FBXL19: variants seen among roughly 807,000 people sequenced by gnomAD.
The protein encoded by FBXL19 is F-box/LRR-repeat protein 19.
FBXL19 carries 16 observed loss-of-function variants against 71.2 expected under a neutral mutation model. The observed-to-expected ratio is 0.22, with a 90% CI of 0.15 to 0.34. The LOEUF (loss-of-function observed/expected upper bound fraction) is 0.34, where lower values mean the gene tolerates loss of function less well. FBXL19 is among the 10% of genes least tolerant of loss of function. The probability of loss-of-function intolerance (pLI) is 1.00; values close to 1 mark genes in which losing one functional copy is unlikely to be tolerated. For missense variants in FBXL19, 658 were observed against 968.2 expected (o/e 0.68, Z 4.25); for synonymous variants, 447 against 409.4 (o/e 1.09, Z -1.11).
intron 7 of FBXL19, among the ~76,000 whole-genome samples, chr16:30,940,422 G>GA (rs767802078): frequency 2.4e-3 from 298 of 124,054 alleles, no homozygotes; most frequent in Middle Eastern, 0.013. Context: ...ACTGTCTCAA[G>GA]AAAAAAAAAA....
chr16:30,930,149 G>A lies in FBXL19; in HGVS notation c.866G>A (p.Arg289His), dbSNP rs760075736. The A allele has an allele frequency of 4.6e-5, 74 of 1,613,392 alleles. No individual in the cohort carries two copies. Among genetic ancestry groups the A allele is most frequent in the Non-Finnish European group, 5.7e-5 (67 of 1,179,902 alleles). Residue 289 changes from arginine (R) to histidine (H), a missense_variant, in exon 7 of 11, where the codon CGT becomes CAT. Arg to His is a conservative substitution (Grantham distance 29). This residue lies in a region of FBXL19 where 447 missense variants were observed against 515.4 expected (regional missense o/e 0.87). Coordinates refer to ENST00000338343, the MANE Select transcript of FBXL19 (RefSeq NM_001382779.1). The surrounding 1 kb of genome is among the most constrained non-coding windows in gnomAD (Gnocchi z 8.5). ...TCCCCGCAGAGGGAGAAGCTAGAGCGTTTCAAGCGGATGTGCCAGCTGCTG... is the reference window on the plus strand; with the variant it reads ...TCCCCGCAGAGGGAGAAGCTAGAGCATTTCAAGCGGATGTGCCAGCTGCTG... ...SPSPQREKLE[R>H]FKRMCQLLER... is the part of the protein sequence containing the mutation.
rs1042090545 is a variant in FBXL19, at chr16:30,947,337, G to C, written c.*107G>C. On this transcript the variant is annotated 3_prime_UTR_variant, in exon 11 of 11. Transcript: ENST00000338343. The stretch of plus-strand genomic sequence containing the variant: ...CCCACCTCACCACCCTGGGATTCCT[G>C]AGTGTCAGTGACTTGGGATTCCCAC... The C allele has an allele frequency of 1.7e-5, 16 of 964,158 alleles. No homozygotes were observed. Among genetic ancestry groups the C allele is most frequent in the Non-Finnish European group, 2.2e-5 (15 of 669,124 alleles). 59.7% of individuals were successfully genotyped at this position (964,158 alleles called of 1,614,324 possible).
intron 7 of FBXL19, among the ~76,000 whole-genome samples, chr16:30,931,392 C>T (rs9924071): frequency 0.99 from 150,576 of 152,258 alleles, 74,485 homozygotes; most frequent in Middle Eastern, 1. Context: ...TTTATCTTCA[C>T]GTCCCTAGCA....
chr16:30,945,502 A>T (rs1284680460), intron 9 of FBXL19, among the ~76,000 whole-genome samples: 1 of 151,816 alleles, frequency 6.6e-6, no homozygotes, highest in Non-Finnish European at 1.5e-5. Context: ...TCTACTAAAA[A>T]AATACAAAAA....
chr16:30,925,272 T>G lies in FBXL19; in HGVS notation c.-24-459T>G, dbSNP rs2143302655. Reference sequence around the variant, plus strand: ...AAAGTCCGGAGCTTCCGTCTAGGAATCTCTGGGTATCTGGGAGGTGAATCT... The same window carrying G: ...AAAGTCCGGAGCTTCCGTCTAGGAAGCTCTGGGTATCTGGGAGGTGAATCT... On this transcript the variant is annotated intron_variant, in intron 1 of 10. Coordinates refer to ENST00000338343, the MANE Select transcript of FBXL19 (RefSeq NM_001382779.1). This position sits in a 1 kb window ranked among gnomAD's most constrained non-coding sequence, Gnocchi z 5.0. Among the ~76,000 whole-genome samples, 1 of 152,068 alleles carries G rather than the reference T, an allele frequency of 6.6e-6. No individual in the cohort carries two copies. The highest frequency in any genetic ancestry group is 6.5e-5 in the Admixed American group (1 of 15,300).
intron 1 of FBXL19, 189 bp downstream of exon 1, chr16:30,924,648 C>T (rs536129121): frequency 1.4e-6 from 2 of 1,398,644 alleles, no homozygotes; most frequent in Admixed American, 3.9e-5. Context: ...GACCCTGCTT[C>T]CCCTTGAAAG....
intron 7 of FBXL19, among the ~76,000 whole-genome samples, chr16:30,940,649 C>G (rs2055792579): frequency 6.6e-6 from 1 of 151,870 alleles, no homozygotes; most frequent in Non-Finnish European, 1.5e-5. Context: ...CAGTTCACTG[C>G]ATGTTTTTTG....
At chr16:30,937,266 G>A (rs773339484) in intron 7 of FBXL19, among the ~76,000 whole-genome samples, 47 of 152,038 alleles carry the variant, frequency 3.1e-4, no homozygotes, top group Admixed American at 5.9e-4. Flanking sequence ...TGTCTCTTGT[G>A]GGCCTGGACA....
chr16:30,941,985 G>A, intron 7 of FBXL19, 131 bp from the exon 8 acceptor site: 1 of 1,020,612 alleles, frequency 9.8e-7, no homozygotes, highest in Admixed American at 3.3e-5. Flanking sequence ...GAGGTCAGGT[G>A]CTTCTTGCTA....
At position 30,925,767 on chromosome 16, in the gene FBXL19, A is replaced by G; in HGVS notation, c.13A>G (p.Ser5Gly). 3 of 1,484,206 alleles carry G rather than the reference A, an allele frequency of 2.0e-6. No homozygotes were observed. Among genetic ancestry groups the G allele is most frequent in the Non-Finnish European group, 8.9e-7 (1 of 1,122,476 alleles). The allele number at this position is 1,484,206 out of a possible 1,614,324, so 91.9% of individuals were successfully genotyped here. A position where few individuals can be genotyped will look rare whatever the true frequency, so the allele number is the denominator to read the frequency against. The change falls in exon 2 of 11, where the codon AGC (serine) becomes GGC (glycine). Residue 5 changes from serine to glycine, a missense_variant. Transcript: ENST00000338343. This position sits in a 1 kb window ranked among gnomAD's most constrained non-coding sequence, Gnocchi z 5.0. The part of the protein sequence containing the change: MSSS[S>G]RGPGAGARRR... ...GCTGACGCCCCCAATGTCGTCGAGC[A>G]GCCGGGGGCCGGGGGCCGGAGCGCG...
At chr16:30,940,261 A>G (rs575085028) in intron 7 of FBXL19, among the ~76,000 whole-genome samples, 5 of 151,176 alleles carry the variant, frequency 3.3e-5, no homozygotes, top group Non-Finnish European at 5.9e-5. Context: ...TCTGTCTCAA[A>G]AAAAAAAAAA....
chr16:30,923,343 G>T (rs1306737837), upstream of FBXL19: 14 of 402,224 alleles, frequency 3.5e-5, no homozygotes, highest in Admixed American at 3.6e-4. Flanking sequence ...CACGCCCTCC[G>T]CCGTCCTGTT....
chr16:30,931,959 T>C (rs1392883387), intron 7 of FBXL19, among the ~76,000 whole-genome samples: 1 of 151,456 alleles, frequency 6.6e-6, no homozygotes, highest in African/African-American at 2.4e-5. Flanking sequence ...CAGGCTGGTC[T>C]TGAACTCCTG....
At chr16:30,936,412 A>G (rs886656441) in intron 7 of FBXL19, among the ~76,000 whole-genome samples, 1 of 148,468 alleles carries the variant, frequency 6.7e-6, no homozygotes, top group African/African-American at 2.5e-5. Flanking sequence ...CCTTGAATAC[A>G]TTTCTCAACC....
rs1234796545 is a variant in FBXL19 at position 30,947,293 on chromosome 16, C to T, written c.*63C>T. 1.4e-6 allele frequency: 2 copies of T among 1,380,592 alleles called. No individual in the cohort carries two copies. Among genetic ancestry groups the T allele is most frequent in the African/African-American group, 1.4e-5 (1 of 69,240 alleles). The allele number at this position is 1,380,592 out of a possible 1,614,324, so 85.5% of individuals were successfully genotyped here. A position where few individuals can be genotyped will look rare whatever the true frequency, so the allele number is the denominator to read the frequency against. ...CCTGGACCTCCGGCTTCATTTCACC[C>T]CTGCTGGGAGGCCAGGTTCCCACCT... On this transcript the variant is annotated 3_prime_UTR_variant, in exon 11 of 11. Transcript: ENST00000338343.
intron 9 of FBXL19, among the ~76,000 whole-genome samples, chr16:30,944,860 T>C (rs766025683): frequency 6.6e-6 from 1 of 151,710 alleles, no homozygotes; most frequent in Non-Finnish European, 1.5e-5. Context: ...GGAGGAGGGG[T>C]TAAAATTTAG....
rs763561012 is a variant in FBXL19, at chr16:30,946,881, C to T, written c.1779C>T (p.Pro593=). Reference sequence around the variant, plus strand: ...GCCACTGCGCCCACGTCGGGGACCCCAGTGTTCACCTCCTCACGGCCCCCA... The same window carrying T: ...GCCACTGCGCCCACGTCGGGGACCCTAGTGTTCACCTCCTCACGGCCCCCA... The part of the protein sequence containing the change: ...DLSHCAHVGD[P]SVHLLTAPTS... The change falls in exon 10 of 11, where the codon CCC becomes CCT. Residue 593 remains proline, a synonymous_variant. Transcript: ENST00000338343. The surrounding 1 kb of genome is among the most constrained non-coding windows in gnomAD (Gnocchi z 6.7). 1.2e-6 allele frequency: 2 copies of T among 1,611,398 alleles called. No individual in the cohort carries two copies. The highest frequency in any genetic ancestry group is 2.7e-5 in the African/African-American group (2 of 74,876).
At position 30,925,988 on chromosome 16, in the gene FBXL19, T is replaced by C. The variant is rs1807043832; in HGVS notation, c.177+57T>C. On this transcript the variant is annotated intron_variant, in intron 2 of 10. Coordinates refer to ENST00000338343, the MANE Select transcript of FBXL19 (RefSeq NM_001382779.1). This position sits in a 1 kb window ranked among gnomAD's most constrained non-coding sequence, Gnocchi z 5.0. The stretch of plus-strand genomic sequence containing the variant: ...CACCCTTCCCAATACCTTCTTGGAA[T>C]GGCTGGTGACTGCCTCCCAGCCTGT... 2.1e-6 allele frequency: 3 copies of C among 1,423,606 alleles called. No individual in the cohort carries two copies. The highest frequency in any genetic ancestry group is 3.1e-5 in the Admixed American group (1 of 31,770). The allele number at this position is 1,423,606 out of a possible 1,614,324, so 88.2% of individuals were successfully genotyped here. A position where few individuals can be genotyped will look rare whatever the true frequency, so the allele number is the denominator to read the frequency against.
Position 30,930,203 on chromosome 16 carries a change from C to CCTCGGA in FBXL19, c.924_929dup (p.Asp315_Ser316dup). ...CGGGTGCCTGACACCTCCTCTTCCT[C>CCTCGGA]CTCGGACTCAGACTCCGACTCCGAC... On this transcript the variant is annotated inframe_insertion, in exon 7 of 11. Transcript: ENST00000338343. The surrounding 1 kb of genome is among the most constrained non-coding windows in gnomAD (Gnocchi z 8.5). The CCTCGGA allele has an allele frequency of 1.2e-6, 2 of 1,613,218 alleles. No homozygotes were observed. Among genetic ancestry groups the CCTCGGA allele is most frequent in the Non-Finnish European group, 1.7e-6 (2 of 1,179,882 alleles).
Sources: gnomAD v4.1 joint callset for allele counts (sites outside exome capture counted in the v4.1 genomes callset) on GRCh38, gnomAD v4.1.1 for gene constraint, gnomAD v4.1.1 regional missense constraint, Gnocchi (gnomAD v3.1) non-coding constraint, MANE v1.5 for transcripts, NCBI Gene and HGNC (gene_info 2026-07-23, HGNC 2026-07-21) for gene names.